The following ARHGAP10 variants were observed in gnomAD, a reference collection of about 807,000 sequenced individuals.
ARHGAP10 encodes Rho GTPase activating protein 10.
Under a neutral mutation model 108.6 loss-of-function variants are expected in ARHGAP10, and 87 were observed. That is an observed-to-expected ratio of 0.80 (90% CI 0.67 to 0.96). The LOEUF (loss-of-function observed/expected upper bound fraction) is 0.96, where lower values mean the gene tolerates loss of function less well. Ranked by LOEUF, ARHGAP10 falls within the 40% of genes least tolerant of loss-of-function variation. ARHGAP10 has a pLI of 0.00. For synonymous variants in ARHGAP10, 347 were observed against 341.1 expected (o/e 1.02, Z -0.19); for missense variants, 939 against 954.5 (o/e 0.98, Z 0.21).
chr4:147,774,210 A>G (rs1405198035), intron 1 of ARHGAP10, among the ~76,000 whole-genome samples: 2 of 152,202 alleles, frequency 1.3e-5, no homozygotes. Context: ...TTAAATTCCT[A>G]TATTTGACCA....
chr4:147,780,374 T>G (rs987258505), intron 1 of ARHGAP10, among the ~76,000 whole-genome samples: 9 of 152,096 alleles, frequency 5.9e-5, no homozygotes, highest in Non-Finnish European at 2.9e-5. Context: ...TGCGGTCACA[T>G]TACTGGGAGT....
intron 13 of ARHGAP10, among the ~76,000 whole-genome samples, chr4:147,926,974 T>C (rs181427340): frequency 2.0e-5 from 3 of 152,254 alleles, no homozygotes; most frequent in African/African-American, 7.2e-5. Context: ...ATTATCCCCA[T>C]TCGCATGAGC....
At chr4:148,033,137 T>C (rs2149671206) in intron 19 of ARHGAP10, among the ~76,000 whole-genome samples, 1 of 152,366 alleles carries the variant, frequency 6.6e-6, no homozygotes, top group Admixed American at 6.5e-5. Flanking sequence ...TTTGTTTTTT[T>C]CAAATTTTAT....
intron 3 of ARHGAP10, among the ~76,000 whole-genome samples, chr4:147,833,974 G>C (rs745550045): frequency 6.6e-6 from 1 of 152,190 alleles, no homozygotes; most frequent in Non-Finnish European, 1.5e-5. Context: ...TTGTGTTAGT[G>C]TGAAAGCCAT....
Position 147,914,663 on chromosome 4 carries a change from A to G in ARHGAP10, c.1228+1524A>G, listed in dbSNP as rs903079925. Reference sequence around the variant, plus strand: ...GCTTTGTCTGTGTAATGCTTTTGAGATTCATCGGTTGGGTGGATACTTAGC... The same window carrying G: ...GCTTTGTCTGTGTAATGCTTTTGAGGTTCATCGGTTGGGTGGATACTTAGC... On this transcript the variant is annotated intron_variant, in intron 13 of 22. Coordinates refer to ENST00000336498, the MANE Select transcript of ARHGAP10 (RefSeq NM_024605.4). Among the ~76,000 whole-genome samples, 11 of 143,758 alleles carry G rather than the reference A, an allele frequency of 7.7e-5. No individual in the cohort carries two copies. The Admixed American group carries it at 8.0e-4, about 10-fold the overall frequency. The allele number at this position is 143,758 out of a possible 152,430, so 94.3% of individuals were successfully genotyped here.
chr4:147,896,628 T>G lies in ARHGAP10; in HGVS notation c.1035-10010T>G, dbSNP rs1736001897. 2.0e-5 allele frequency among the ~76,000 whole-genome samples: 3 copies of G among 152,232 alleles called. No individual in the cohort carries two copies. In the South Asian group the frequency reaches 6.2e-4, roughly 32 times the overall value. ...TTTTCAGAGAATCCATATTAACCAC[T>G]TTTTATTTCATTTGTTTCTGAATTT... is the stretch of plus-strand genomic sequence containing the variant. On this transcript the variant is annotated intron_variant, in intron 10 of 22. Coordinates refer to ENST00000336498, the MANE Select transcript of ARHGAP10 (RefSeq NM_024605.4).
chr4:148,002,865 C>T (rs1365406844), intron 18 of ARHGAP10, among the ~76,000 whole-genome samples: 41 of 152,104 alleles, frequency 2.7e-4, no homozygotes. Context: ...AAAAAACCAG[C>T]TCCTGGATTC....
chr4:147,804,354 A>C (rs909965748), intron 1 of ARHGAP10, among the ~76,000 whole-genome samples: 1 of 152,078 alleles, frequency 6.6e-6, no homozygotes, highest in Admixed American at 6.5e-5. Flanking sequence ...ATGGCCATAT[A>C]TTATTCCATG....
chr4:147,775,388 G>C (rs1730243167), intron 1 of ARHGAP10, among the ~76,000 whole-genome samples: 1 of 152,226 alleles, frequency 6.6e-6, no homozygotes, highest in Admixed American at 6.5e-5. Context: ...CATGAGCAGA[G>C]CTGTGTGTGA....
chr4:147,892,314 A>C (rs1340936184), intron 10 of ARHGAP10, among the ~76,000 whole-genome samples: 1 of 152,210 alleles, frequency 6.6e-6, no homozygotes, highest in Non-Finnish European at 1.5e-5. Context: ...AGTTAAGAGC[A>C]TGTTGCCTTC....
Position 148,072,205 on chromosome 4 carries a change from T to A in ARHGAP10, c.*124T>A. 2.1e-5 allele frequency: 10 copies of A among 469,226 alleles called. No homozygotes were observed. The highest frequency in any genetic ancestry group is 5.6e-5 in the East Asian group (1 of 17,808). The allele number at this position is 469,226 out of a possible 1,614,324, so 29.1% of individuals were successfully genotyped here. A position where few individuals can be genotyped will look rare whatever the true frequency, so the allele number is the denominator to read the frequency against. ...GTACCTCCACACTTGGGAGTTACCATCATCACAGTCAGCCCTGGGGGTGGG... is the reference window on the plus strand; with the variant it reads ...GTACCTCCACACTTGGGAGTTACCAACATCACAGTCAGCCCTGGGGGTGGG... On this transcript the variant is annotated 3_prime_UTR_variant, in exon 23 of 23. Coordinates refer to ENST00000336498, the MANE Select transcript of ARHGAP10 (RefSeq NM_024605.4).
At chr4:147,817,295 TC>T (rs1732290729) in intron 1 of ARHGAP10, among the ~76,000 whole-genome samples, 1 of 152,152 alleles carries the variant, frequency 6.6e-6, no homozygotes, top group Non-Finnish European at 1.5e-5. Flanking sequence ...TAAGGGGTTA[TC>T]CTGCACTGAC....
intron 16 of ARHGAP10, among the ~76,000 whole-genome samples, chr4:147,961,463 C>A (rs1322566124): frequency 6.6e-6 from 1 of 151,996 alleles, no homozygotes; most frequent in East Asian, 1.9e-4. Context: ...ATATGTATTT[C>A]AGATATTTAG....
intron 3 of ARHGAP10, among the ~76,000 whole-genome samples, chr4:147,841,897 G>A (rs756408173): frequency 2.6e-4 from 39 of 152,018 alleles, no homozygotes; most frequent in Non-Finnish European, 4.6e-4. Flanking sequence ...TTTGCTTACC[G>A]ATCTGAAGAT....
At chr4:147,963,197 A>T (rs768521342) in intron 16 of ARHGAP10, among the ~76,000 whole-genome samples, 2 of 152,106 alleles carry the variant, frequency 1.3e-5, no homozygotes, top group African/African-American at 4.8e-5. Flanking sequence ...CTACCTTTCT[A>T]TCTATACCCT....
At chr4:147,872,525 A>G (rs903918462) in intron 7 of ARHGAP10, among the ~76,000 whole-genome samples, 7 of 152,202 alleles carry the variant, frequency 4.6e-5, no homozygotes, top group Non-Finnish European at 1.0e-4. Context: ...TGTTGGGGTT[A>G]GCACCCCTGC....
intron 10 of ARHGAP10, among the ~76,000 whole-genome samples, chr4:147,893,449 ATT>A (rs1735867659): frequency 6.8e-6 from 1 of 147,330 alleles, no homozygotes; most frequent in African/African-American, 2.5e-5. Context: ...ATATATTATT[ATT>A]CTCTCTATAT....
chr4:147,750,614 T>TTTG (rs1560738221), intron 1 of ARHGAP10, among the ~76,000 whole-genome samples: 1 of 150,230 alleles, frequency 6.7e-6, no homozygotes, highest in Non-Finnish European at 1.5e-5. Context: ...TTTTTTTTTT[T>TTTG]GGGGGGGGTT....
intron 4 of ARHGAP10, among the ~76,000 whole-genome samples, chr4:147,847,680 T>C (rs1330543159): frequency 6.6e-6 from 1 of 152,210 alleles, no homozygotes; most frequent in Non-Finnish European, 1.5e-5. Context: ...CAAAAATTTA[T>C]TGAGCCTCTA....
Sources: gnomAD v4.1 joint callset for allele counts (sites outside exome capture counted in the v4.1 genomes callset) on GRCh38, gnomAD v4.1.1 for gene constraint, MANE v1.5 for transcripts, NCBI Gene and HGNC (gene_info 2026-07-23, HGNC 2026-07-21) for gene names.